The following INSC variants were observed in gnomAD, a reference collection of about 807,000 sequenced individuals.
INSC encodes the protein INSC spindle orientation adaptor protein, also known as protein inscuteable homolog.
In INSC, 67 loss-of-function variants were observed where a neutral mutation model predicts 58.6. The observed-to-expected ratio is 1.14, with a 90% confidence interval of 0.94 to 1.40. The LOEUF is 1.40. INSC is among the 40% of genes most tolerant of loss of function. The pLI is 0.00. For missense variants in INSC, 714 were observed against 692.0 expected (o/e 1.03, Z -0.36); for synonymous variants, 262 against 276.1 (o/e 0.95, Z 0.51).
At chr11:15,131,206 T>C (rs1330072228) in intron 1 of INSC, among the ~76,000 whole-genome samples, 1 of 152,140 alleles carries the variant, frequency 6.6e-6, no homozygotes, top group African/African-American at 2.4e-5. Flanking sequence ...ATCTATATAC[T>C]ACATGATTTT....
At chr11:15,117,521 C>G (rs569803836) in intron 1 of INSC, among the ~76,000 whole-genome samples, 34 of 152,338 alleles carry the variant, frequency 2.2e-4, no homozygotes, top group Non-Finnish European at 4.3e-4. Context: ...AGCTCTTAGT[C>G]CATCATATGG....
At chr11:15,222,537 A>C (rs1035025157) in intron 8 of INSC, among the ~76,000 whole-genome samples, 1 of 152,128 alleles carries the variant, frequency 6.6e-6, no homozygotes, top group Admixed American at 6.5e-5. Context: ...TCACTCATCC[A>C]TTCAAGTGGT....
intron 5 of INSC, chr11:15,188,413 C>T (rs1012423907): frequency 3.9e-5 from 37 of 941,328 alleles, no homozygotes; most frequent in Non-Finnish European, 1.0e-5. Flanking sequence ...GGGTCAGGGC[C>T]CGGCTCCTCC....
At chr11:15,191,032 G>A (rs1850153312) in intron 6 of INSC, among the ~76,000 whole-genome samples, 2 of 149,836 alleles carry the variant, frequency 1.3e-5, no homozygotes, top group African/African-American at 5.0e-5. Flanking sequence ...CCAGGCTGGA[G>A]TGCAGTGGCG....
At chr11:15,161,616 G>A (rs1334088585) in intron 2 of INSC, among the ~76,000 whole-genome samples, 1 of 152,234 alleles carries the variant, frequency 6.6e-6, no homozygotes, top group African/African-American at 2.4e-5. Context: ...TCAGTGGCAA[G>A]TTAGAAACAT....
chr11:15,220,562 A>G (rs763086541), intron 7 of INSC, among the ~76,000 whole-genome samples: 2 of 152,170 alleles, frequency 1.3e-5, no homozygotes, highest in Non-Finnish European at 2.9e-5. Context: ...TTGAATACCA[A>G]TCCAACTGCT....
intron 1 of INSC, among the ~76,000 whole-genome samples, chr11:15,141,722 G>A (rs374629537): frequency 6.6e-5 from 10 of 152,062 alleles, no homozygotes; most frequent in East Asian, 5.8e-4. Flanking sequence ...CCCTTGCACA[G>A]GTCACATAGA....
At position 15,225,738 on chromosome 11, in the gene INSC, C is replaced by T. The variant is rs201278416; in HGVS notation, c.1080C>T (p.Cys360=). 9.9e-6 allele frequency: 16 copies of T among 1,614,038 alleles called. No homozygotes were observed. In the African/African-American group the frequency reaches 1.3e-4, roughly 13 times the overall value. ...TCACGTTCTTTGACACAATGGCCTG[C>T]GAGATGCTCCTGCAGTTGAATGCCA... ...ANITFFDTMA[C]EMLLQLNAIR... The change falls in exon 9 of 13, where the codon TGC becomes TGT. Residue 360 remains cysteine, a synonymous_variant. Transcript: ENST00000379556.
chr11:15,203,990 A>C (rs774338341), intron 7 of INSC, among the ~76,000 whole-genome samples: 2 of 152,240 alleles, frequency 1.3e-5, no homozygotes, highest in Non-Finnish European at 2.9e-5. Context: ...AAAATAGCAG[A>C]ACTGAATAGT....
intron 7 of INSC, among the ~76,000 whole-genome samples, chr11:15,220,980 A>G (rs1406828519): frequency 6.6e-6 from 1 of 152,076 alleles, no homozygotes; most frequent in Non-Finnish European, 1.5e-5. Context: ...AGAAACCAAC[A>G]TTTCCTGAGC....
intron 9 of INSC, among the ~76,000 whole-genome samples, chr11:15,229,965 TATA>T (rs1851806271): frequency 4.1e-5 from 1 of 24,494 alleles, no homozygotes; most frequent in African/African-American, 2.8e-4. Flanking sequence ...TATATTTATA[TATA>T]TATATATATA....
chr11:15,153,702 T>C (rs1485817794), intron 2 of INSC, among the ~76,000 whole-genome samples: 1 of 152,218 alleles, frequency 6.6e-6, no homozygotes, highest in Non-Finnish European at 1.5e-5. Flanking sequence ...GAAGAGAGGC[T>C]GGATTTATAC....
In INSC at chr11:15,229,989, A is replaced by AATAT. The variant is rs1564917400; in HGVS notation, c.1170+4161_1170+4162insATAT. Among the ~76,000 whole-genome samples the AATAT allele has an allele frequency of 5.7e-3, 171 of 30,036 alleles. 1 individual carries two copies. The highest frequency in any genetic ancestry group is 0.025 in the African/African-American group (163 of 6,470). The allele number at this position is 30,036 out of a possible 152,430, so 19.7% of individuals were successfully genotyped here. A position where few individuals can be genotyped will look rare whatever the true frequency, so the allele number is the denominator to read the frequency against. On this transcript the variant is annotated intron_variant, in intron 9 of 12. Coordinates refer to ENST00000379556, the MANE Select transcript of INSC (RefSeq NM_001042536.3). ...ATATATATATATATATTATATATAT[A>AATAT]TATATATATATATATATATATATAA...
intron 2 of INSC, among the ~76,000 whole-genome samples, chr11:15,151,277 T>C (rs1714352): frequency 0.28 from 42,744 of 151,998 alleles, 7,154 homozygotes; most frequent in Non-Finnish European, 0.38. Context: ...TGTATGTTCC[T>C]TATGGGAATG....
intron 12 of INSC, 87 bp downstream of exon 12, chr11:15,240,610 C>A: frequency 9.6e-7 from 1 of 1,044,440 alleles, no homozygotes; most frequent in Non-Finnish European, 1.5e-6. Flanking sequence ...CTGTGGCTGG[C>A]TTCAGTAAGC....
intron 4 of INSC, 73 bp from the exon 5 acceptor site, chr11:15,178,251 C>A: frequency 6.3e-7 from 1 of 1,585,268 alleles, no homozygotes; most frequent in Non-Finnish European, 8.6e-7. Context: ...AGGTCCAGTT[C>A]TGGCCCGTGC....
intron 2 of INSC, among the ~76,000 whole-genome samples, chr11:15,155,567 G>A (rs76988391): frequency 0.022 from 3,299 of 152,262 alleles, 61 homozygotes; most frequent in Middle Eastern, 0.034. Context: ...TCTCTCCTCC[G>A]TAATCCTAGC....
At chr11:15,123,518 A>C (rs933694802) in intron 1 of INSC, among the ~76,000 whole-genome samples, 43 of 152,192 alleles carry the variant, frequency 2.8e-4, no homozygotes, top group African/African-American at 9.9e-4. Flanking sequence ...TTTGAGGAGG[A>C]AAATGATCAT....
At chr11:15,113,143 T>TTCTCTCTCTC, upstream of INSC, among the ~76,000 whole-genome samples, 3 of 98,626 alleles carry the variant, frequency 3.0e-5, no homozygotes, top group African/African-American at 7.1e-5. Context: ...CTTTCTTTCT[T>TTCTCTCTCTC]TCTGTCTCTC....
Sources: allele counts gnomAD v4.1 joint callset (sites outside exome capture counted in the v4.1 genomes callset), GRCh38; gene constraint gnomAD v4.1.1; transcripts MANE v1.5; gene names NCBI Gene and HGNC (gene_info 2026-07-23, HGNC 2026-07-21).